Variants in CCDC18 observed in about 807,000 individuals in gnomAD.
CCDC18 encodes coiled-coil domain containing 18, also known as coiled-coil domain-containing protein 18.
In CCDC18, 157 loss-of-function variants were observed where a neutral mutation model predicts 196.0. The ratio of observed to expected loss-of-function variants is 0.80; its 90% CI spans 0.70 to 0.91. The LOEUF (loss-of-function observed/expected upper bound fraction) is 0.91, where lower values mean the gene tolerates loss of function less well. Ranked by LOEUF, CCDC18 falls within the 40% of genes least tolerant of loss-of-function variation. The pLI, the probability that CCDC18 is intolerant of heterozygous loss-of-function variation, is 0.00. For missense variants in CCDC18, 1,465 were observed against 1,611.6 expected (o/e 0.91, Z 1.56); for synonymous variants, 482 against 529.2 (o/e 0.91, Z 1.22).
intron 26 of CCDC18, among the ~76,000 whole-genome samples, chr1:93,264,306 T>C (rs958296931): frequency 7.2e-5 from 11 of 152,290 alleles, no homozygotes; most frequent in Non-Finnish European, 1.5e-4. Flanking sequence ...AACATAGCTC[T>C]AAAAGATAAG....
upstream of CCDC18, chr1:93,180,142 C>T (rs1262480205): frequency 1.2e-6 from 2 of 1,613,584 alleles, no homozygotes; most frequent in African/African-American, 1.3e-5. Flanking sequence ...GGTGAAGTCG[C>T]TATCGAGGGA....
Position 93,183,394 on chromosome 1 carries a change from A to C in CCDC18, c.33A>C (p.Lys11Asn). 6.2e-7 allele frequency: 1 copy of C among 1,600,674 alleles called. No individual in the cohort carries two copies. The highest frequency in any genetic ancestry group is 8.5e-7 in the Non-Finnish European group (1 of 1,170,780). The change falls in exon 2 of 29, where the codon AAA becomes AAC. Residue 11 changes from lysine to asparagine, a missense_variant. By Grantham distance (94) the Lys-to-Asn change is moderately conservative (BLOSUM62 0). Coordinates refer to ENST00000690025, the MANE Select transcript of CCDC18 (RefSeq NM_001378204.1). MESSSSDYYNKDNEEESLLAN... is the reference protein window; with the variant it reads MESSSSDYYNNDNEEESLLAN... ...CTAGTTCATCAGACTACTATAATAAAGACAATGAAGAGGAAAGTTTGCTTG... is the reference window on the plus strand; with the variant it reads ...CTAGTTCATCAGACTACTATAATAACGACAATGAAGAGGAAAGTTTGCTTG...
chr1:93,212,297 A>C lies in CCDC18; in HGVS notation c.1495+36A>C, dbSNP rs778522156. 21 of 1,318,596 alleles carry C rather than the reference A, an allele frequency of 1.6e-5. No individual in the cohort carries two copies. In the South Asian group the frequency reaches 3.6e-4, roughly 22 times the overall value. 81.7% of individuals were successfully genotyped at this position (1,318,596 alleles called of 1,614,324 possible). Reference sequence around the variant, plus strand: ...TGAGTTATTTTAATAAATTATATTCAGAGTTTTGGATGATAGTTTTTTTTT... The same window carrying C: ...TGAGTTATTTTAATAAATTATATTCCGAGTTTTGGATGATAGTTTTTTTTT... On this transcript the variant is annotated intron_variant, in intron 11 of 28. Coordinates refer to ENST00000690025, the MANE Select transcript of CCDC18 (RefSeq NM_001378204.1).
intron 23 of CCDC18, among the ~76,000 whole-genome samples, chr1:93,249,024 G>GT (rs1257055817): frequency 2.0e-5 from 3 of 149,710 alleles, no homozygotes; most frequent in African/African-American, 4.9e-5. Flanking sequence ...TTTTGAAATA[G>GT]TTTGAGTAGA....
rs752532094 is a variant in CCDC18, at chr1:93,214,835, A to G, written c.1588A>G (p.Thr530Ala). Reference sequence around the variant, plus strand: ...TGTTACTGGAATAGAAGAACTACGTACTAAGCTGATACAAATAGAAGCTGA... The same window carrying G: ...TGTTACTGGAATAGAAGAACTACGTGCTAAGCTGATACAAATAGAAGCTGA... ...RLVTGIEELR[T>A]KLIQIEAENS... is the part of the protein sequence containing the mutation. Residue 530 changes from threonine (T) to alanine (A), a missense_variant, in exon 12 of 29, where the codon ACT (threonine) becomes GCT (alanine). Physicochemically the swap from Thr to Ala is moderately conservative, Grantham distance 58 (BLOSUM62 0). Coordinates refer to ENST00000690025, the MANE Select transcript of CCDC18 (RefSeq NM_001378204.1). 35 of 1,613,368 alleles carry G rather than the reference A, an allele frequency of 2.2e-5. No homozygotes were observed. The Admixed American group carries it at 5.7e-4, about 26-fold the overall frequency.
intron 4 of CCDC18, chr1:93,191,082 A>C (rs1651683533): frequency 1.7e-6 from 1 of 599,206 alleles, no homozygotes. Flanking sequence ...TGCTATCAGC[A>C]AGGAGATTTT....
intron 26 of CCDC18, 87 bp from the exon 27 acceptor site, chr1:93,264,614 T>C: frequency 1.3e-6 from 1 of 741,100 alleles, no homozygotes; most frequent in East Asian, 2.6e-5. Flanking sequence ...AAAAAGTAAA[T>C]AAAAGTAGAA....
chr1:93,264,995 A>G, intron 27 of CCDC18, 94 bp downstream of exon 27: 2 of 807,206 alleles, frequency 2.5e-6, no homozygotes, highest in Admixed American at 2.4e-5. Context: ...GGACTATATG[A>G]CCAAATATTG....
chr1:93,225,395 T>C (rs555248198), intron 16 of CCDC18, among the ~76,000 whole-genome samples: 1 of 152,318 alleles, frequency 6.6e-6, no homozygotes, highest in South Asian at 2.1e-4. Flanking sequence ...TTTCTGAAAA[T>C]ATTTTCACTG....
intron 17 of CCDC18, among the ~76,000 whole-genome samples, chr1:93,229,732 T>C (rs1289238172): frequency 6.6e-6 from 1 of 152,186 alleles, no homozygotes; most frequent in East Asian, 1.9e-4. Flanking sequence ...ATGATGAAAA[T>C]AATACTTTGG....
At chr1:93,254,437 T>C in intron 23 of CCDC18, 34 bp from the exon 24 acceptor site, 1 of 1,465,408 alleles carries the variant, frequency 6.8e-7, no homozygotes, top group African/African-American at 1.4e-5. Flanking sequence ...ATTTCATTAA[T>C]TTTACTGATA....
chr1:93,185,873 AATAT>A (rs1650580892), intron 3 of CCDC18, among the ~76,000 whole-genome samples: 1 of 151,788 alleles, frequency 6.6e-6, no homozygotes, highest in Non-Finnish European at 1.5e-5. Context: ...TGTATTGTAA[AATAT>A]ATATAAAAAG....
chr1:93,210,660 A>G (rs1035821062), intron 9 of CCDC18, 142 bp from the exon 10 acceptor site: 13 of 555,422 alleles, frequency 2.3e-5, no homozygotes, highest in Non-Finnish European at 3.8e-5. Flanking sequence ...ATATTTCTTA[A>G]TGTATTTATA....
chr1:93,183,145 A>T (rs1185959024), intron 1 of CCDC18, among the ~76,000 whole-genome samples: 1 of 152,134 alleles, frequency 6.6e-6, no homozygotes. Context: ...TAAAATGAAA[A>T]ATTCATTCAT....
At chr1:93,269,878 T>C (rs929636919) in intron 27 of CCDC18, 1 of 152,382 alleles carries the variant, frequency 6.6e-6, no homozygotes. Context: ...TTTTGAAAAA[T>C]TTCTAATGCA....
chr1:93,231,532 T>C (rs968815021), intron 17 of CCDC18, among the ~76,000 whole-genome samples: 10 of 152,138 alleles, frequency 6.6e-5, no homozygotes, highest in African/African-American at 2.4e-4. Flanking sequence ...AGATGAAGAA[T>C]ATTATAAAAT....
At chr1:93,237,252 C>G (rs182397718) in intron 19 of CCDC18, among the ~76,000 whole-genome samples, 1 of 152,150 alleles carries the variant, frequency 6.6e-6, no homozygotes, top group Non-Finnish European at 1.5e-5. Context: ...CTTCTTTCTT[C>G]CATTGACAGA....
chr1:93,193,105 C>T (rs1346294688), intron 5 of CCDC18, among the ~76,000 whole-genome samples: 6 of 151,646 alleles, frequency 4.0e-5, no homozygotes, highest in Admixed American at 1.3e-4. Flanking sequence ...GGAAGGTTAC[C>T]GACTTTTGTA....
intron 25 of CCDC18, among the ~76,000 whole-genome samples, chr1:93,258,543 A>G (rs1476118691): frequency 6.6e-6 from 1 of 152,170 alleles, no homozygotes; most frequent in Non-Finnish European, 1.5e-5. Context: ...TTTTATGATG[A>G]CAGCAAACAA....
Sources: gnomAD v4.1 joint callset for allele counts (sites outside exome capture counted in the v4.1 genomes callset) on GRCh38, gnomAD v4.1.1 for gene constraint, MANE v1.5 for transcripts, NCBI Gene and HGNC (gene_info 2026-07-23, HGNC 2026-07-21) for gene names.